The following FGA variants were observed in gnomAD, a reference collection of about 807,000 sequenced individuals.
The protein encoded by FGA is fibrinogen alpha chain, also known as fibrinogen, A alpha polypeptide.
In FGA, 20 loss-of-function variants were observed where a neutral mutation model predicts 20.3. That is an observed-to-expected ratio of 0.99 (90% CI 0.69 to 1.43). FGA has a LOEUF of 1.43. Ranked by LOEUF, FGA falls within the 40% of genes most tolerant of loss-of-function variation. The pLI is 0.00. For synonymous variants in FGA, 306 were observed against 281.6 expected, an observed-to-expected ratio of 1.09 and a Z score of -0.87; for missense variants, 777 against 784.7, an observed-to-expected ratio of 0.99 and a Z score of 0.12.
chr4:154,590,026 T>A (rs766413539), intron 1 of FGA, among the ~76,000 whole-genome samples: 2 of 152,214 alleles, frequency 1.3e-5, no homozygotes, highest in Non-Finnish European at 2.9e-5. Context: ...CTCCTTCAAG[T>A]TTCTATGTAA....
downstream of FGA, chr4:154,584,439 C>T (rs190999281): frequency 2.8e-5 from 45 of 1,614,124 alleles, no homozygotes; most frequent in Admixed American, 1.8e-4. Context: ...GAGCATCACC[C>T]GCAGTGCCTT....
chr4:154,590,694 T>C lies in FGA; in HGVS notation c.-7A>G. On this transcript the variant is annotated 5_prime_UTR_variant, in exon 1 of 5. Transcript: ENST00000403106. ...CGATCCTCATGGAAAACATCTTTTC[T>C]AAGGGTGGGGCTGGCTCCTGAGGAG... is the stretch of plus-strand genomic sequence containing the variant. The C allele has an allele frequency of 6.4e-7, 1 of 1,554,066 alleles. No homozygotes were observed. Among genetic ancestry groups the C allele is most frequent in the Non-Finnish European group, 8.7e-7 (1 of 1,147,944 alleles).
intron 1 of FGA, among the ~76,000 whole-genome samples, chr4:154,589,797 C>G (rs72681232): frequency 6.6e-6 from 1 of 152,176 alleles, no homozygotes; most frequent in Non-Finnish European, 1.5e-5. Context: ...AATTTCTTAA[C>G]TGTGTGTGAC....
At chr4:154,590,226 A>G (rs925462271) in intron 1 of FGA, among the ~76,000 whole-genome samples, 4 of 152,252 alleles carry the variant, frequency 2.6e-5, no homozygotes, top group Admixed American at 2.0e-4. Flanking sequence ...TCTGCTTATT[A>G]TGGACAAGTA....
rs1187015208 is a variant in FGA, at chr4:154,589,523, C to A, written c.94G>T (p.Gly32Ter). ...ACAACCCTTGGGCCACGCACGCCTC[C>A]TCCTTCAGCTAGAAAGTCACCTTCA... ...SGEGDFLAEGGGVRGPRVVER... is the reference protein window; with the variant it reads ...SGEGDFLAEG The change falls in exon 2 of 5, where the codon GGA becomes TGA. Residue 32 changes from glycine (G) to a stop codon, truncating the protein, a stop_gained. Transcript: ENST00000403106. LOFTEE classifies it high-confidence loss of function. 2.5e-6 allele frequency: 4 copies of A among 1,613,902 alleles called. No homozygotes were observed. Among genetic ancestry groups the A allele is most frequent in the Non-Finnish European group, 3.4e-6 (4 of 1,179,976 alleles).
chr4:154,589,125 G>A (rs1007264890), intron 2 of FGA, 149 bp from the exon 3 acceptor site: 8 of 742,528 alleles, frequency 1.1e-5, no homozygotes, highest in Admixed American at 2.5e-5. Context: ...GTTAGAGGTC[G>A]CAGAGAAACT....
chr4:154,583,374 A>G (rs1331374393), downstream of FGA: 1 of 152,232 alleles, frequency 6.6e-6, no homozygotes, highest in Non-Finnish European at 1.5e-5. Context: ...TGATTATTAG[A>G]AAAATGAAGT....
At chr4:154,587,417 T>A (rs1730752820) in intron 4 of FGA, 95 bp downstream of exon 4, 6 of 1,155,090 alleles carry the variant, frequency 5.2e-6, no homozygotes, top group Non-Finnish European at 6.5e-6. Flanking sequence ...ATAACACTTT[T>A]CTCTGCATAT....
downstream of FGA, chr4:154,584,880 T>G (rs1246948424): frequency 7.2e-7 from 1 of 1,385,892 alleles, no homozygotes. Flanking sequence ...CTCATTTAAC[T>G]TTACAAAGAT....
At chr4:154,587,120 G>A (rs972023819) in intron 4 of FGA, among the ~76,000 whole-genome samples, 1 of 152,160 alleles carries the variant, frequency 6.6e-6, no homozygotes, top group Non-Finnish European at 1.5e-5. Flanking sequence ...GGCTAGCCAG[G>A]ATAAGCAATG....
intron 3 of FGA, 36 bp downstream of exon 3, chr4:154,588,757 G>A (rs1730796485): frequency 1.4e-6 from 2 of 1,459,106 alleles, no homozygotes; most frequent in African/African-American, 2.8e-5. Context: ...TGTTGTTTCT[G>A]TTATAAAGTC....
At chr4:154,588,328 C>T (rs1329932482) in intron 3 of FGA, among the ~76,000 whole-genome samples, 1 of 152,202 alleles carries the variant, frequency 6.6e-6, no homozygotes, top group Non-Finnish European at 1.5e-5. Context: ...AATGAGTAGA[C>T]TGTGAGAATG....
intron 3 of FGA, among the ~76,000 whole-genome samples, chr4:154,587,999 T>A (rs908550825): frequency 2.0e-5 from 3 of 152,204 alleles, no homozygotes; most frequent in Non-Finnish European, 4.4e-5. Flanking sequence ...GAACTTTCTT[T>A]GGAATTTTAA....
At chr4:154,589,333 A>G in intron 2 of FGA, 104 bp downstream of exon 2, 4 of 1,377,616 alleles carry the variant, frequency 2.9e-6, no homozygotes, top group Non-Finnish European at 4.1e-6. Flanking sequence ...TAACTATTCA[A>G]TTATTTTCTA....
rs1270358717 is a variant in FGA at position 154,586,262 on chromosome 4, T to G, written c.1167A>C (p.Glu389Asp). ...VSGSTGQWHS[E>D]SGSFRPDSPG... is the part of the protein sequence containing the mutation. ...GGCTATCTGGCCTAAAACTTCCAGATTCAGAGTGCCATTGTCCAGTACTAC... is the reference window on the plus strand; with the variant it reads ...GGCTATCTGGCCTAAAACTTCCAGAGTCAGAGTGCCATTGTCCAGTACTAC... The change falls in exon 5 of 5, where the codon GAA becomes GAC. Residue 389 changes from glutamate (E) to aspartate (D), a missense_variant. Coordinates refer to ENST00000403106, the MANE Select transcript of FGA (RefSeq NM_021871.4). 5 of 1,613,978 alleles carry G rather than the reference T, an allele frequency of 3.1e-6. No homozygotes were observed. Among genetic ancestry groups the G allele is most frequent in the Non-Finnish European group, 4.2e-6 (5 of 1,179,970 alleles).
At chr4:154,587,110 G>A (rs946271582) in intron 4 of FGA, among the ~76,000 whole-genome samples, 192 bp from the exon 5 acceptor site, 2 of 152,092 alleles carry the variant, frequency 1.3e-5, no homozygotes, top group Non-Finnish European at 2.9e-5. Flanking sequence ...GGTATTGCAG[G>A]GCTAGCCAGG....
rs1407449111 is a variant in FGA, at chr4:154,586,360, T to C, written c.1069A>G (p.Thr357Ala). The change falls in exon 5 of 5, where the codon ACC becomes GCC. Residue 357 changes from threonine (T) to alanine (A), a missense_variant. Transcript: ENST00000403106. ...QNPGSPRPGS[T>A]GTWNPGSSER... Reference sequence around the variant, plus strand: ...GAGCTGCCAGGATTCCAGGTTCCGGTACTACCAGGTCTAGGGCTCCCAGGG... The same window carrying C: ...GAGCTGCCAGGATTCCAGGTTCCGGCACTACCAGGTCTAGGGCTCCCAGGG... The C allele has an allele frequency of 1.3e-5, 21 of 1,614,060 alleles. No individual in the cohort carries two copies. The highest frequency in any genetic ancestry group is 1.8e-5 in the Non-Finnish European group (21 of 1,180,040).
chr4:154,589,055 C>A (rs905687356), intron 2 of FGA, 79 bp from the exon 3 acceptor site: 1 of 1,241,034 alleles, frequency 8.1e-7, no homozygotes, highest in South Asian at 1.2e-5. Flanking sequence ...CATGCAGCCC[C>A]CATTTCTTCC....
chr4:154,590,576 C>T (rs564138000), intron 1 of FGA, 58 bp downstream of exon 1: 1 of 1,387,396 alleles, frequency 7.2e-7, no homozygotes, highest in East Asian at 2.5e-5. Context: ...GACCTCCAGG[C>T]TCTTTGTGGA....
Sources: allele counts gnomAD v4.1 joint callset (sites outside exome capture counted in the v4.1 genomes callset), GRCh38; gene constraint gnomAD v4.1.1; transcripts MANE v1.5; gene names NCBI Gene and HGNC (gene_info 2026-07-23, HGNC 2026-07-21).